SNX4: variants seen among roughly 807,000 people sequenced by gnomAD.
SNX4 encodes sorting nexin-4.
Under a neutral mutation model 70.8 loss-of-function variants are expected in SNX4, and 49 were observed. The observed-to-expected ratio is 0.69, with a 90% CI of 0.55 to 0.88. The LOEUF (loss-of-function observed/expected upper bound fraction) is 0.88, where lower values mean the gene tolerates loss of function less well. SNX4 is among the 40% of genes least tolerant of loss of function. The pLI is 0.00. For missense variants in SNX4, 528 were observed against 544.8 expected (o/e 0.97, Z 0.31); for synonymous variants, 206 against 183.8 (o/e 1.12, Z -0.98).
At chr3:125,493,037 T>C (rs1934697296) in intron 5 of SNX4, among the ~76,000 whole-genome samples, 2 of 152,266 alleles carry the variant, frequency 1.3e-5, no homozygotes, top group African/African-American at 2.4e-5. Flanking sequence ...AACTAGTTTG[T>C]ATGTTCATTA....
At chr3:125,515,838 G>A (rs370194531) in intron 1 of SNX4, among the ~76,000 whole-genome samples, 1 of 152,056 alleles carries the variant, frequency 6.6e-6, no homozygotes, top group East Asian at 1.9e-4. Flanking sequence ...CTTGAGCCCA[G>A]GAGTTTGAGA....
intron 9 of SNX4, among the ~76,000 whole-genome samples, chr3:125,462,938 C>A (rs1055534872): frequency 1.2e-4 from 19 of 152,176 alleles, no homozygotes; most frequent in Non-Finnish European, 2.2e-4. Flanking sequence ...GGCAGTACAC[C>A]TAGAGTCGGC....
chr3:125,482,675 T>C (rs9864550), intron 6 of SNX4, among the ~76,000 whole-genome samples: 83,733 of 151,724 alleles, frequency 0.55, 24,730 homozygotes, highest in African/African-American at 0.78. Context: ...GAGACAAAGT[T>C]CAAACTCTGT....
intron 4 of SNX4, 105 bp from the exon 5 acceptor site, chr3:125,497,493 G>T: frequency 1.3e-6 from 1 of 785,110 alleles, no homozygotes; most frequent in Non-Finnish European, 2.1e-6. Flanking sequence ...AGGAATTGGA[G>T]AGAGAAGTTT....
At position 125,489,507 on chromosome 3, in the gene SNX4, G is replaced by C. The variant is rs370409016; in HGVS notation, c.598-44C>G. 4.2e-5 allele frequency: 63 copies of C among 1,496,114 alleles called. No individual in the cohort carries two copies. In the African/African-American group the frequency reaches 8.0e-4, roughly 19 times the overall value. 92.7% of individuals were successfully genotyped at this position (1,496,114 alleles called of 1,614,324 possible). On this transcript the variant is annotated intron_variant, in intron 5 of 13. Transcript: ENST00000251775. ...TCACTTAATACAATTACATTTCAGGGTATAAAATTCAAACAATTTTACTTT... is the reference window on the plus strand; with the variant it reads ...TCACTTAATACAATTACATTTCAGGCTATAAAATTCAAACAATTTTACTTT...
chr3:125,480,919 T>C (rs1388178614), intron 6 of SNX4, among the ~76,000 whole-genome samples: 2 of 152,180 alleles, frequency 1.3e-5, no homozygotes, highest in African/African-American at 4.8e-5. Context: ...TAGATTCCAT[T>C]CCAGCTACAC....
intron 8 of SNX4, 68 bp from the exon 9 acceptor site, chr3:125,469,587 T>C (rs1184863381): frequency 9.3e-7 from 1 of 1,071,000 alleles, no homozygotes; most frequent in African/African-American, 1.6e-5. Flanking sequence ...AAATGGACTC[T>C]TTTCAAGATT....
intron 5 of SNX4, among the ~76,000 whole-genome samples, chr3:125,495,285 C>CACAT (rs10691733): frequency 0.36 from 22,162 of 61,258 alleles, 3,159 homozygotes; most frequent in Admixed American, 0.51. Flanking sequence ...TATACACATA[C>CACAT]ACACACACAC....
intron 13 of SNX4, 142 bp downstream of exon 13, chr3:125,451,163 C>T: frequency 2.3e-6 from 1 of 441,622 alleles, no homozygotes; most frequent in Non-Finnish European, 4.0e-6. Context: ...AACAGAAATC[C>T]TACAAAATTA....
intron 9 of SNX4, among the ~76,000 whole-genome samples, chr3:125,467,084 C>CAA (rs538874424): frequency 9.1e-4 from 68 of 74,508 alleles, no homozygotes; most frequent in Non-Finnish European, 1.3e-3. Context: ...CTCTGTCTTC[C>CAA]AAAAAAAAAA....
At chr3:125,451,845 T>C (rs566217726) in intron 12 of SNX4, among the ~76,000 whole-genome samples, 1 of 152,128 alleles carries the variant, frequency 6.6e-6, no homozygotes, top group African/African-American at 2.4e-5. Flanking sequence ...CAGGCTGGGC[T>C]TGAACACCTG....
intron 2 of SNX4, among the ~76,000 whole-genome samples, chr3:125,499,775 A>C (rs1033927113): frequency 6.6e-6 from 1 of 151,726 alleles, no homozygotes; most frequent in Non-Finnish European, 1.5e-5. Context: ...AAAAAAAAAA[A>C]AAAAAAAACG....
At chr3:125,470,589 G>A (rs1934142486) in intron 8 of SNX4, among the ~76,000 whole-genome samples, 1 of 150,702 alleles carries the variant, frequency 6.6e-6, no homozygotes, top group African/African-American at 2.4e-5. Flanking sequence ...AACTCGAACT[G>A]AAAAACCACA....
intron 7 of SNX4, among the ~76,000 whole-genome samples, chr3:125,477,466 G>A (rs1168585914): frequency 6.6e-6 from 1 of 151,928 alleles, no homozygotes; most frequent in Non-Finnish European, 1.5e-5. Flanking sequence ...TTTGCTTTAC[G>A]TTCCCCCAAA....
intron 8 of SNX4, among the ~76,000 whole-genome samples, chr3:125,470,717 G>A (rs1025922582): frequency 6.6e-6 from 1 of 152,068 alleles, no homozygotes; most frequent in Non-Finnish European, 1.5e-5. Flanking sequence ...CAAAAAGAAA[G>A]GTTTAGAGCT....
chr3:125,512,456 C>T (rs1198484805), intron 1 of SNX4, among the ~76,000 whole-genome samples: 1 of 152,102 alleles, frequency 6.6e-6, no homozygotes, highest in African/African-American at 2.4e-5. Flanking sequence ...CAAACAGGCA[C>T]ACAACAATAA....
In SNX4 at chr3:125,495,277, T is replaced by TATATATATATATATAC; in HGVS notation, c.597+2063_597+2064insGTATATATATATATAT. 1.4e-3 allele frequency among the ~76,000 whole-genome samples: 137 copies of TATATATATATATATAC among 99,562 alleles called. 2 individuals carry two copies. Among genetic ancestry groups the TATATATATATATATAC allele is most frequent in the African/African-American group, 3.1e-3 (86 of 27,970 alleles). 65.3% of individuals were successfully genotyped at this position (99,562 alleles called of 152,430 possible). On this transcript the variant is annotated intron_variant, in intron 5 of 13. Coordinates refer to ENST00000251775, the MANE Select transcript of SNX4 (RefSeq NM_003794.4). The stretch of plus-strand genomic sequence containing the variant: ...ATATATATATATATATATATATATA[T>TATATATATATATATAC]ACACATACACACACACACACGTATG...
chr3:125,464,776 T>C (rs1169352690), intron 9 of SNX4, among the ~76,000 whole-genome samples: 3 of 151,998 alleles, frequency 2.0e-5, no homozygotes, highest in African/African-American at 7.2e-5. Flanking sequence ...AAAGTCTTGC[T>C]CTGTCACCCA....
At chr3:125,465,463 G>C (rs1268557449) in intron 9 of SNX4, among the ~76,000 whole-genome samples, 5 of 151,890 alleles carry the variant, frequency 3.3e-5, no homozygotes, top group African/African-American at 1.2e-4. Context: ...CAGCCAGGCT[G>C]GTCTTGAGCT....
Sources: allele counts gnomAD v4.1 joint callset (sites outside exome capture counted in the v4.1 genomes callset), GRCh38; gene constraint gnomAD v4.1.1; transcripts MANE v1.5; gene names NCBI Gene and HGNC (gene_info 2026-07-23, HGNC 2026-07-21).